Variants in MRPL1 observed in about 807,000 individuals in gnomAD.
The protein encoded by MRPL1 is mitochondrial ribosomal protein L1.
A neutral mutation model predicts 38.0 loss-of-function variants in MRPL1; 28 were observed. The ratio of observed to expected loss-of-function variants is 0.74; its 90% CI spans 0.55 to 1.01. The LOEUF is 1.01. MRPL1 is among the 50% of genes least tolerant of loss of function. The pLI, the probability that MRPL1 is intolerant of heterozygous loss-of-function variation, is 0.00. For synonymous variants in MRPL1, 123 were observed against 126.7 expected, an observed-to-expected ratio of 0.97 and a Z score of 0.20; for missense variants, 358 against 389.8, an observed-to-expected ratio of 0.92 and a Z score of 0.69.
chr4:77,896,067 G>A (rs1214142255), intron 6 of MRPL1, among the ~76,000 whole-genome samples: 3 of 150,670 alleles, frequency 2.0e-5, no homozygotes, highest in African/African-American at 4.9e-5. Flanking sequence ...TCCTTGCTTT[G>A]CATGGTGATC....
At chr4:77,917,112 C>T (rs1402986290) in intron 7 of MRPL1, among the ~76,000 whole-genome samples, 5 of 152,032 alleles carry the variant, frequency 3.3e-5, no homozygotes, top group Admixed American at 3.3e-4. Context: ...TCTCTTTTAC[C>T]CCTTAAGATT....
chr4:77,892,588 A>G lies in MRPL1; in HGVS notation c.559-1551A>G, dbSNP rs182266949. Among the ~76,000 whole-genome samples the G allele has an allele frequency of 2.6e-5, 4 of 152,294 alleles. 1 individual carries two copies. In the South Asian group the frequency reaches 6.2e-4, roughly 24 times the overall value. On this transcript the variant is annotated intron_variant, in intron 5 of 8. Coordinates refer to ENST00000315567, the MANE Select transcript of MRPL1 (RefSeq NM_020236.4). ...CCATCCACAGTTTTTTATTATTCCA[A>G]GATACAGTCCTACTTATAGCATAAC...
At chr4:77,885,379 T>A (rs1402978292) in intron 4 of MRPL1, 40 bp downstream of exon 4, 1 of 1,524,294 alleles carries the variant, frequency 6.6e-7, no homozygotes, top group East Asian at 2.3e-5. Flanking sequence ...ATTTAATTTT[T>A]TTTTTTGAGA....
At chr4:77,916,011 A>C (rs1223047740) in intron 7 of MRPL1, among the ~76,000 whole-genome samples, 2 of 152,224 alleles carry the variant, frequency 1.3e-5, no homozygotes, top group East Asian at 3.8e-4. Flanking sequence ...TAAAACTGAA[A>C]ATAAAGAGCT....
intron 7 of MRPL1, among the ~76,000 whole-genome samples, chr4:77,931,512 T>C (rs7656101): frequency 0.064 from 9,741 of 152,288 alleles, 473 homozygotes; most frequent in African/African-American, 0.14. Flanking sequence ...ACAATCCAGG[T>C]TGACAATTCT....
chr4:77,878,522 C>T (rs745794276), intron 2 of MRPL1, among the ~76,000 whole-genome samples: 7 of 152,086 alleles, frequency 4.6e-5, no homozygotes, highest in Non-Finnish European at 8.8e-5. Flanking sequence ...TTGGATTGGT[C>T]TCTTGGGGGT....
intron 5 of MRPL1, among the ~76,000 whole-genome samples, chr4:77,891,268 A>G (rs1735798036): frequency 6.8e-6 from 1 of 146,144 alleles, no homozygotes. Context: ...GAGTTTGTAT[A>G]CAGCTTTCTA....
intron 1 of MRPL1, chr4:77,863,145 C>A: frequency 1.9e-6 from 1 of 527,650 alleles, no homozygotes; most frequent in Non-Finnish European, 3.3e-6. Flanking sequence ...ATGGCAAGGA[C>A]TGGGTCGTCT....
intron 7 of MRPL1, among the ~76,000 whole-genome samples, chr4:77,946,519 CT>C (rs1391635486): frequency 3.3e-5 from 5 of 152,130 alleles, no homozygotes; most frequent in Non-Finnish European, 5.9e-5. Context: ...TATTTGGGAA[CT>C]GATAAATGTC....
chr4:77,876,757 G>T (rs1735404791), intron 2 of MRPL1, among the ~76,000 whole-genome samples: 1 of 151,878 alleles, frequency 6.6e-6, no homozygotes, highest in South Asian at 2.1e-4. Flanking sequence ...CTGTCCTTTT[G>T]GCTCTCCCCT....
intron 7 of MRPL1, among the ~76,000 whole-genome samples, chr4:77,915,480 G>A (rs776259835): frequency 3.9e-5 from 6 of 152,140 alleles, no homozygotes; most frequent in East Asian, 3.9e-4. Flanking sequence ...CTGGAGTACA[G>A]TGGCTTGATC....
At chr4:77,906,811 A>C (rs1481053195) in intron 6 of MRPL1, 2 of 208,928 alleles carry the variant, frequency 9.6e-6, no homozygotes, top group African/African-American at 4.7e-5. Flanking sequence ...GTATACCACT[A>C]TTAGCATCTT....
intron 7 of MRPL1, among the ~76,000 whole-genome samples, chr4:77,940,664 T>TTTTGTTGGCTGTGGG (rs1737101198): frequency 1.3e-5 from 2 of 152,288 alleles, no homozygotes; most frequent in East Asian, 3.9e-4. Flanking sequence ...CCATTCAGTA[T>TTTTGTTGGCTGTGGG]TTTGTTGGCT....
intron 6 of MRPL1, among the ~76,000 whole-genome samples, chr4:77,895,746 A>T (rs1383326352): frequency 6.6e-6 from 1 of 152,018 alleles, no homozygotes; most frequent in Non-Finnish European, 1.5e-5. Context: ...AGTTTTGTTT[A>T]TTTTTGATAG....
intron 7 of MRPL1, among the ~76,000 whole-genome samples, chr4:77,921,050 C>T (rs540336612): frequency 9.8e-5 from 15 of 152,310 alleles, no homozygotes; most frequent in African/African-American, 2.9e-4. Flanking sequence ...TGAGCCACTG[C>T]GCCCGGCCCC....
At position 77,925,047 on chromosome 4, in the gene MRPL1, C is replaced by T. The variant is rs190201546; in HGVS notation, c.777+15675C>T. Among the ~76,000 whole-genome samples, 618 of 152,226 alleles carry T rather than the reference C, an allele frequency of 4.1e-3. 10 individuals carry two copies. Among genetic ancestry groups the T allele is most frequent in the South Asian group, 0.027 (131 of 4,828 alleles). ...ATATACTACTCATCACCTAGATTTA[C>T]CAATTTTGTCACATTTGCTTACAAA... On this transcript the variant is annotated intron_variant, in intron 7 of 8. Transcript: ENST00000315567.
intron 7 of MRPL1, among the ~76,000 whole-genome samples, chr4:77,920,863 A>G (rs1376875557): frequency 6.6e-6 from 1 of 151,966 alleles, no homozygotes; most frequent in Non-Finnish European, 1.5e-5. Flanking sequence ...CTTTGTTTCA[A>G]CTGATTCTTG....
Position 77,883,147 on chromosome 4 carries a change from CTTTG to C in MRPL1, c.144-91_144-88del, listed in dbSNP as rs988255729. On this transcript the variant is annotated intron_variant, in intron 2 of 8. Coordinates refer to ENST00000315567, the MANE Select transcript of MRPL1 (RefSeq NM_020236.4). The stretch of plus-strand genomic sequence containing the variant: ...CTTTTGAATTAAAATATAATTCATC[CTTTG>C]TTTTTTTTTCTCTTATGTACACTGG... 1.4e-5 allele frequency: 11 copies of C among 774,656 alleles called. No homozygotes were observed. The East Asian group carries it at 1.5e-4, about 10-fold the overall frequency. 48.0% of individuals were successfully genotyped at this position (774,656 alleles called of 1,614,324 possible). A position where few individuals can be genotyped will look rare whatever the true frequency, so the allele number is the denominator to read the frequency against.
chr4:77,879,174 C>T (rs1735472207), intron 2 of MRPL1, among the ~76,000 whole-genome samples: 1 of 152,110 alleles, frequency 6.6e-6, no homozygotes, highest in Non-Finnish European at 1.5e-5. Context: ...GCATGAACAA[C>T]AAAGTTCTTC....
Sources: allele counts gnomAD v4.1 joint callset (sites outside exome capture counted in the v4.1 genomes callset), GRCh38; gene constraint gnomAD v4.1.1; transcripts MANE v1.5; gene names NCBI Gene and HGNC (gene_info 2026-07-23, HGNC 2026-07-21).